Variants in LMO2 observed in about 807,000 individuals in gnomAD.
LMO2 encodes the protein rhombotin-2.
A neutral mutation model predicts 23.2 loss-of-function variants in LMO2; 20 were observed. That is an observed-to-expected ratio of 0.86 (90% CI 0.61 to 1.25). The LOEUF is 1.25. LMO2 is among the 50% of genes most tolerant of loss of function. The pLI, the probability that LMO2 is intolerant of heterozygous loss-of-function variation, is 0.00. For synonymous variants in LMO2, 123 were observed against 130.2 expected, an observed-to-expected ratio of 0.94 and a Z score of 0.38; for missense variants, 270 against 315.3, an observed-to-expected ratio of 0.86 and a Z score of 1.09.
intron 2 of LMO2, among the ~76,000 whole-genome samples, chr11:33,871,702 C>T (rs976181960): frequency 2.7e-5 from 4 of 150,856 alleles, no homozygotes; most frequent in African/African-American, 9.8e-5. Flanking sequence ...ACACTACTTT[C>T]ATTTCTAACA....
In LMO2 at chr11:33,886,592, A is replaced by G. The variant is rs534353173; in HGVS notation, c.-335-4705T>C. 2.0e-5 allele frequency among the ~76,000 whole-genome samples: 3 copies of G among 152,342 alleles called. No homozygotes were observed. In the South Asian group the frequency reaches 6.2e-4, roughly 32 times the overall value. On this transcript the variant is annotated intron_variant, in intron 1 of 5. Coordinates refer to ENST00000257818, the MANE Select transcript of LMO2 (RefSeq NM_005574.4). ...CTATAAAAAACCTAAAGGTTTCACA[A>G]TAACATTTTCAGTTTTTAGACTCTG...
At chr11:33,882,512 T>A (rs918282885) in intron 1 of LMO2, among the ~76,000 whole-genome samples, 2 of 152,324 alleles carry the variant, frequency 1.3e-5, no homozygotes, top group South Asian at 4.1e-4. Context: ...CACAGGAATG[T>A]CTTTTGAAAA....
intron 2 of LMO2, chr11:33,870,470 G>A: frequency 1.0e-6 from 1 of 966,182 alleles, no homozygotes; most frequent in Non-Finnish European, 1.2e-6. Context: ...CGGGCTGCGG[G>A]CCCCAGGCTG....
Position 33,869,410 on chromosome 11 carries a change from G to A in LMO2, c.184C>T (p.Pro62Ser). 1 of 1,204,332 alleles carries A rather than the reference G, an allele frequency of 8.3e-7. No homozygotes were observed. The highest frequency in any genetic ancestry group is 1.0e-6 in the Non-Finnish European group (1 of 964,596). 74.6% of individuals were successfully genotyped at this position (1,204,332 alleles called of 1,614,324 possible). ...ATTGGGGAGGGAGGCGGGGTGCCGG[G>A]CGGCGGGGGCGCTCCCTTTGTGGCG... ...PRATKGAPPP[P>S]GTPPPSPMSS... The change falls in exon 4 of 6, where the codon CCC (proline) becomes TCC (serine). Residue 62 changes from proline (P) to serine (S), a missense_variant. Physicochemically the swap from Pro to Ser is moderately conservative, Grantham distance 74. This residue lies in a region of LMO2 where 170 missense variants were observed against 162.0 expected (regional missense o/e 1.05). Coordinates refer to ENST00000257818, the MANE Select transcript of LMO2 (RefSeq NM_005574.4).
intron 1 of LMO2, among the ~76,000 whole-genome samples, chr11:33,887,989 C>G (rs1857454303): frequency 2.6e-5 from 4 of 152,062 alleles, no homozygotes; most frequent in Admixed American, 2.6e-4. Context: ...GGTGAGGCTG[C>G]TGTGCTAGGA....
At chr11:33,863,576 G>C (rs905698087) in intron 5 of LMO2, among the ~76,000 whole-genome samples, 4 of 152,206 alleles carry the variant, frequency 2.6e-5, no homozygotes, top group African/African-American at 9.6e-5. Context: ...CAGGAAAACG[G>C]AGAAATACTG....
At position 33,880,272 on chromosome 11, in the gene LMO2, A is replaced by G. The variant is rs1857246811; in HGVS notation, c.-272+1552T>C. Among the ~76,000 whole-genome samples, 4 of 133,272 alleles carry G rather than the reference A, an allele frequency of 3.0e-5. No homozygotes were observed. Among genetic ancestry groups the G allele is most frequent in the Admixed American group, 7.1e-5 (1 of 14,114 alleles). The allele number at this position is 133,272 out of a possible 152,430, so 87.4% of individuals were successfully genotyped here. The stretch of plus-strand genomic sequence containing the variant: ...CACATGATATATATATCATACATAC[A>G]CATGATATATATCATATATATCATA... On this transcript the variant is annotated intron_variant, in intron 2 of 5. Transcript: ENST00000257818. This position sits in a 1 kb window ranked among gnomAD's most constrained non-coding sequence, Gnocchi z 4.3.
chr11:33,869,657 C>T, intron 3 of LMO2, 53 bp downstream of exon 3: 2 of 1,259,042 alleles, frequency 1.6e-6, no homozygotes, highest in Non-Finnish European at 2.0e-6. Context: ...GGGGCCGGGG[C>T]GCGCAGCCTG....
intron 1 of LMO2, among the ~76,000 whole-genome samples, chr11:33,883,087 A>G (rs979254282): frequency 1.3e-5 from 2 of 152,118 alleles, no homozygotes; most frequent in African/African-American, 2.4e-5. Flanking sequence ...ACTACTTGAT[A>G]TTTTCTTATT....
intron 2 of LMO2, among the ~76,000 whole-genome samples, chr11:33,872,020 T>C (rs1214101456): frequency 6.6e-6 from 1 of 151,820 alleles, no homozygotes; most frequent in East Asian, 1.9e-4. Flanking sequence ...TCCCAGCACT[T>C]TGAGAGGCCG....
intron 1 of LMO2, among the ~76,000 whole-genome samples, 155 bp from the exon 2 acceptor site, chr11:33,882,042 CG>C (rs528016864): frequency 3.5e-4 from 53 of 152,248 alleles, no homozygotes; most frequent in African/African-American, 1.1e-3. Context: ...TGATAGCAGG[CG>C]GGTGTCCTTG....
At chr11:33,883,642 G>A (rs987886779) in intron 1 of LMO2, among the ~76,000 whole-genome samples, 2 of 152,172 alleles carry the variant, frequency 1.3e-5, no homozygotes, top group Admixed American at 6.5e-5. Context: ...GCAGAAAATC[G>A]AGTTGCCCCT....
chr11:33,869,643 G>A, intron 3 of LMO2, 57 bp from the exon 4 acceptor site: 4 of 1,257,078 alleles, frequency 3.2e-6, no homozygotes, highest in Non-Finnish European at 4.0e-6. Flanking sequence ...CCGCGGCCGA[G>A]GCGGGGGCCG....
chr11:33,879,420 G>A (rs1386396678), intron 2 of LMO2, among the ~76,000 whole-genome samples: 1 of 147,184 alleles, frequency 6.8e-6, no homozygotes, highest in Non-Finnish European at 1.5e-5. Flanking sequence ...AGGAGTTCGA[G>A]ACCAGCCTGG....
chr11:33,887,555 T>C (rs1334274161), intron 1 of LMO2, among the ~76,000 whole-genome samples: 1 of 151,518 alleles, frequency 6.6e-6, no homozygotes, highest in Admixed American at 6.6e-5. Flanking sequence ...TTTTTTTTTT[T>C]TTTTTTTGAG....
intron 1 of LMO2, among the ~76,000 whole-genome samples, chr11:33,890,590 G>A (rs1857521782): frequency 1.3e-5 from 2 of 152,290 alleles, no homozygotes; most frequent in South Asian, 4.1e-4. Flanking sequence ...GACCTCAGGC[G>A]ATCTGCCTGC....
chr11:33,862,091 G>A (rs1188560105), intron 5 of LMO2, among the ~76,000 whole-genome samples: 2 of 152,228 alleles, frequency 1.3e-5, no homozygotes, highest in Admixed American at 6.5e-5. Context: ...AAGGATTGAT[G>A]TGCCAGTGAT....
intron 4 of LMO2, chr11:33,865,090 G>T: frequency 2.0e-6 from 1 of 510,900 alleles, no homozygotes; most frequent in East Asian, 3.6e-5. Context: ...GTGGCACTGT[G>T]CCCCTGCCCA....
intron 5 of LMO2, among the ~76,000 whole-genome samples, chr11:33,861,040 T>A (rs975030931): frequency 3.9e-5 from 6 of 152,148 alleles, no homozygotes; most frequent in African/African-American, 1.4e-4. Flanking sequence ...CTCAGTGAAA[T>A]GGCAGCCATC....
Sources: gnomAD v4.1 joint callset for allele counts (sites outside exome capture counted in the v4.1 genomes callset) on GRCh38, gnomAD v4.1.1 for gene constraint, gnomAD v4.1.1 regional missense constraint, Gnocchi (gnomAD v3.1) non-coding constraint, MANE v1.5 for transcripts, NCBI Gene and HGNC (gene_info 2026-07-23, HGNC 2026-07-21) for gene names.